KCNB2: variants seen among roughly 807,000 people sequenced by gnomAD.
KCNB2 encodes the protein delayed rectifier potassium channel protein.
In KCNB2, 15 loss-of-function variants were observed where a neutral mutation model predicts 61.5. That is an observed-to-expected ratio of 0.24 (90% CI 0.16 to 0.38). KCNB2 has a LOEUF of 0.38. KCNB2 is among the 10% of genes least tolerant of loss of function. The pLI, the probability that KCNB2 is intolerant of heterozygous loss-of-function variation, is 1.00. For synonymous variants in KCNB2, 457 were observed against 446.0 expected (o/e 1.02, Z -0.31); for missense variants, 828 against 1,125.2 (o/e 0.74, Z 3.78).
At chr8:72,654,443 C>T (rs1455074217) in intron 2 of KCNB2, among the ~76,000 whole-genome samples, 1 of 152,068 alleles carries the variant, frequency 6.6e-6, no homozygotes, top group Non-Finnish European at 1.5e-5. Context: ...TAGAAGAGTG[C>T]AACATAATAC....
intron 2 of KCNB2, among the ~76,000 whole-genome samples, chr8:72,757,101 T>C (rs1275293038): frequency 6.6e-6 from 1 of 151,972 alleles, no homozygotes; most frequent in Non-Finnish European, 1.5e-5. Context: ...GGACAGAACC[T>C]TGGGGAGCGC....
At chr8:72,648,492 G>A (rs1037554257) in intron 2 of KCNB2, among the ~76,000 whole-genome samples, 5 of 150,598 alleles carry the variant, frequency 3.3e-5, no homozygotes, top group South Asian at 2.1e-4. Flanking sequence ...TAGGCTGGTC[G>A]CGAACCCCTG....
chr8:72,766,147 A>C (rs1384886811), intron 2 of KCNB2, among the ~76,000 whole-genome samples: 3 of 152,190 alleles, frequency 2.0e-5, no homozygotes. Context: ...CTGCCCTGTG[A>C]TGCTTATTCT....
intron 2 of KCNB2, among the ~76,000 whole-genome samples, chr8:72,685,973 G>A (rs565741640): frequency 6.6e-6 from 1 of 152,266 alleles, no homozygotes; most frequent in East Asian, 1.9e-4. Context: ...TGGGCAACAA[G>A]AGTGAAACTC....
At chr8:72,660,707 A>T (rs574892646) in intron 2 of KCNB2, 1 of 152,284 alleles carries the variant, frequency 6.6e-6, no homozygotes, top group Admixed American at 6.5e-5. Flanking sequence ...TTTTGTAGAC[A>T]GATTTTGGCT....
rs753797385 is a variant in KCNB2 at position 72,778,733 on chromosome 8, CAAAAAAAAAAAAAA to C, written c.580-157185_580-157172del. On this transcript the variant is annotated intron_variant, in intron 2 of 2. Coordinates refer to ENST00000523207, the MANE Select transcript of KCNB2 (RefSeq NM_004770.3). The stretch of plus-strand genomic sequence containing the variant: ...ATTCCAGCCTGGGCCACAGAGCGAG[CAAAAAAAAAAAAAA>C]AAAAAAAAAAAAAAAAGAAAGAAAG... Among the ~76,000 whole-genome samples the C allele has an allele frequency of 4.2e-3, 59 of 14,170 alleles. No individual in the cohort carries two copies. In the East Asian group the frequency reaches 0.12, roughly 29 times the overall value. The allele number at this position is 14,170 out of a possible 152,430, so 9.3% of individuals were successfully genotyped here.
At chr8:72,638,601 C>T (rs1806005778) in intron 2 of KCNB2, among the ~76,000 whole-genome samples, 2 of 152,084 alleles carry the variant, frequency 1.3e-5, no homozygotes, top group Admixed American at 1.3e-4. Context: ...AAAGTTGGAA[C>T]TACCATCTAA....
intron 1 of KCNB2, among the ~76,000 whole-genome samples, chr8:72,548,772 T>C (rs1024544906): frequency 5.3e-5 from 8 of 152,234 alleles, no homozygotes; most frequent in Admixed American, 3.9e-4. Context: ...CACTACTAGC[T>C]ACAGTGAAAG....
chr8:72,541,866 T>C (rs1223951686), intron 1 of KCNB2, among the ~76,000 whole-genome samples: 2 of 152,162 alleles, frequency 1.3e-5, no homozygotes, highest in Non-Finnish European at 2.9e-5. Context: ...ATTTTGAACA[T>C]AGTATTACAA....
chr8:72,613,545 T>C (rs1276004631), intron 2 of KCNB2, among the ~76,000 whole-genome samples: 1 of 152,204 alleles, frequency 6.6e-6, no homozygotes, highest in African/African-American at 2.4e-5. Context: ...TTATATCAAA[T>C]TAATGTTTCA....
intron 2 of KCNB2, among the ~76,000 whole-genome samples, chr8:72,796,936 A>G (rs2128999163): frequency 6.6e-6 from 1 of 152,322 alleles, no homozygotes; most frequent in Admixed American, 6.5e-5. Context: ...GAGCAGAGAA[A>G]GCTTGCTAGA....
At chr8:72,543,820 T>C (rs1806223653) in intron 1 of KCNB2, among the ~76,000 whole-genome samples, 2 of 152,190 alleles carry the variant, frequency 1.3e-5, no homozygotes, top group South Asian at 2.1e-4. Flanking sequence ...ATCATATTCC[T>C]CTCATTCAGG....
chr8:72,653,456 A>T (rs975412469), intron 2 of KCNB2, among the ~76,000 whole-genome samples: 1 of 151,342 alleles, frequency 6.6e-6, no homozygotes, highest in Non-Finnish European at 1.5e-5. Flanking sequence ...TTTTATTTTT[A>T]TTTTTTTTGT....
chr8:72,557,987 A>C (rs946176384), intron 1 of KCNB2, among the ~76,000 whole-genome samples: 1 of 152,232 alleles, frequency 6.6e-6, no homozygotes, highest in Non-Finnish European at 1.5e-5. Flanking sequence ...GCTAACCAAA[A>C]TATCTAACAA....
At chr8:72,538,125 G>A (rs1435730426) in intron 1 of KCNB2, among the ~76,000 whole-genome samples, 1 of 152,104 alleles carries the variant, frequency 6.6e-6, no homozygotes, top group Non-Finnish European at 1.5e-5. Context: ...GACTGGGAAG[G>A]GATGGGGATG....
intron 2 of KCNB2, among the ~76,000 whole-genome samples, chr8:72,644,109 T>C (rs1806094212): frequency 6.6e-6 from 1 of 152,146 alleles, no homozygotes; most frequent in Non-Finnish European, 1.5e-5. Context: ...AAATGCCATG[T>C]TCTTTGAAAG....
rs540112339 is a variant in KCNB2, at chr8:72,571,073, G to A, written c.579+2760G>A. 5.9e-5 allele frequency among the ~76,000 whole-genome samples: 9 copies of A among 152,224 alleles called. No individual in the cohort carries two copies. The South Asian group carries it at 1.5e-3, about 25-fold the overall frequency. ...TTCCTGTAATGAAGAAAGTATAAAAGCTATTAAGATTATTTGCCAGATCCC... is the reference window on the plus strand; with the variant it reads ...TTCCTGTAATGAAGAAAGTATAAAAACTATTAAGATTATTTGCCAGATCCC... On this transcript the variant is annotated intron_variant, in intron 2 of 2. Coordinates refer to ENST00000523207, the MANE Select transcript of KCNB2 (RefSeq NM_004770.3).
chr8:72,626,205 C>T (rs902987926), intron 2 of KCNB2, among the ~76,000 whole-genome samples: 2 of 151,990 alleles, frequency 1.3e-5, no homozygotes, highest in Non-Finnish European at 2.9e-5. Flanking sequence ...TATAAGTAGC[C>T]CCAGAATGCC....
In KCNB2 at chr8:72,937,221, G is replaced by A. The variant is rs143631623; in HGVS notation, c.1866G>A (p.Pro622=). Residue 622 remains proline (P), a synonymous_variant, in exon 3 of 3, where the codon CCG becomes CCA. Transcript: ENST00000523207. ...CAGAGACAGAGAGATCGCCGCTGCC[G>A]CCGCCCTCCGCCTCTCACTTGCAGA... The part of the protein sequence containing the change: ...DFTETERSPL[P]PPSASHLQMK... The A allele has an allele frequency of 3.5e-5, 57 of 1,613,804 alleles. No homozygotes were observed. The highest frequency in any genetic ancestry group is 4.5e-5 in the Non-Finnish European group (53 of 1,180,002).
Sources: allele counts gnomAD v4.1 joint callset (sites outside exome capture counted in the v4.1 genomes callset), GRCh38; gene constraint gnomAD v4.1.1; transcripts MANE v1.5; gene names NCBI Gene and HGNC (gene_info 2026-07-23, HGNC 2026-07-21).